FIP1L1: variants seen among roughly 807,000 people sequenced by gnomAD.
The protein encoded by FIP1L1 is factor interacting with PAPOLA and CPSF1, also known as pre-mRNA 3'-end-processing factor FIP1.
FIP1L1 carries 21 observed loss-of-function variants against 84.6 expected under a neutral mutation model. The ratio of observed to expected loss-of-function variants is 0.25; its 90% CI spans 0.18 to 0.36. The LOEUF (loss-of-function observed/expected upper bound fraction) is 0.36, where lower values mean the gene tolerates loss of function less well. Among genes scored for constraint, FIP1L1 ranks in the 10% least tolerant of loss-of-function variants. The pLI is 1.00. For synonymous variants in FIP1L1, 263 were observed against 242.3 expected, an observed-to-expected ratio of 1.09 and a Z score of -0.80; for missense variants, 526 against 751.1, an observed-to-expected ratio of 0.70 and a Z score of 3.50.
At chr4:53,390,965 T>C (rs1159898228) in intron 7 of FIP1L1, 44 bp from the exon 8 acceptor site, 4 of 1,497,804 alleles carry the variant, frequency 2.7e-6, no homozygotes, top group East Asian at 2.3e-5. Context: ...TGCATAAAAA[T>C]AGAGCTGAAA....
intron 9 of FIP1L1, among the ~76,000 whole-genome samples, chr4:53,396,498 C>T (rs1200552047): frequency 7.9e-5 from 12 of 151,838 alleles, no homozygotes; most frequent in East Asian, 2.0e-4. Flanking sequence ...CTCCACCTCC[C>T]GGGTTCAAGC....
intron 13 of FIP1L1, among the ~76,000 whole-genome samples, chr4:53,428,566 G>A (rs988017105): frequency 1.3e-5 from 2 of 151,266 alleles, no homozygotes; most frequent in African/African-American, 4.8e-5. Flanking sequence ...ATTATATCTT[G>A]CGAAGAGATT....
intron 15 of FIP1L1, among the ~76,000 whole-genome samples, chr4:53,449,073 T>C (rs1411186857): frequency 6.6e-6 from 1 of 152,126 alleles, no homozygotes; most frequent in Admixed American, 6.5e-5. Context: ...TGCTCCTTTT[T>C]TTTTCAGATC....
chr4:53,452,939 T>C lies in FIP1L1; in HGVS notation c.1305T>C (p.Pro435=). The change falls in exon 16 of 18, where the codon CCT becomes CCC. Residue 435 remains proline, a synonymous_variant. Transcript: ENST00000337488. ...CTTTAGTTGCCTTTCCCCATCTTCC[T>C]GGTTCTGCTCCTTCGTGGCCTAGTC... ...PYGNVAFPHL[P]GSAPSWPSLV... 1.9e-6 allele frequency: 3 copies of C among 1,612,934 alleles called. No homozygotes were observed. The highest frequency in any genetic ancestry group is 2.5e-6 in the Non-Finnish European group (3 of 1,179,982).
rs149095983 is a variant in FIP1L1, at chr4:53,386,260, A to G, written c.332+2384A>G. Among the ~76,000 whole-genome samples, 126 of 152,288 alleles carry G rather than the reference A, an allele frequency of 8.3e-4. No homozygotes were observed. In the East Asian group the frequency reaches 0.021, roughly 25 times the overall value. On this transcript the variant is annotated intron_variant, in intron 5 of 17. Transcript: ENST00000337488. ...TAGCAAAGATAATGTGCCTTTATCA[A>G]ACCATCTGTGATCATTCCATTATTA... is the stretch of plus-strand genomic sequence containing the variant.
intron 15 of FIP1L1, among the ~76,000 whole-genome samples, chr4:53,452,323 T>C (rs1255945364): frequency 1.3e-5 from 2 of 152,138 alleles, no homozygotes; most frequent in Non-Finnish European, 2.9e-5. Flanking sequence ...TCAACACTTT[T>C]TTTTTTTCTT....
Position 53,457,740 on chromosome 4 carries a change from G to C in FIP1L1, c.1500-913G>C, listed in dbSNP as rs148683593. On this transcript the variant is annotated intron_variant, in intron 16 of 17. Coordinates refer to ENST00000337488, the MANE Select transcript of FIP1L1 (RefSeq NM_030917.4). ...TTATTTTATTCTAAGTGAATTTACT[G>C]ATGTTAAGTTGTAGAAAGTGTTGAC... is the stretch of plus-strand genomic sequence containing the variant. Among the ~76,000 whole-genome samples the C allele has an allele frequency of 1.8e-3, 280 of 152,196 alleles. 1 individual carries two copies. The highest frequency in any genetic ancestry group is 6.5e-3 in the African/African-American group (270 of 41,538).
At chr4:53,404,753 T>C (rs1752301248) in intron 10 of FIP1L1, among the ~76,000 whole-genome samples, 1 of 152,224 alleles carries the variant, frequency 6.6e-6, no homozygotes, top group Non-Finnish European at 1.5e-5. Context: ...TGCATTTCTC[T>C]GATGGCCAGT....
At chr4:53,459,255 T>G (rs541008477) in intron 17 of FIP1L1, 47 bp from the exon 18 acceptor site, 2 of 1,362,958 alleles carry the variant, frequency 1.5e-6, no homozygotes, top group African/African-American at 1.5e-5. Flanking sequence ...TGTCACTGAT[T>G]GTGTATTTAA....
chr4:53,378,991 A>T, intron 1 of FIP1L1, 82 bp from the exon 2 acceptor site: 3 of 1,352,898 alleles, frequency 2.2e-6, no homozygotes, highest in Non-Finnish European at 2.1e-6. Flanking sequence ...TTTTTATAGC[A>T]GTAAAGTCTG....
At chr4:53,418,411 TGTAA>T (rs1222327704) in intron 11 of FIP1L1, among the ~76,000 whole-genome samples, 15 of 152,382 alleles carry the variant, frequency 9.8e-5, no homozygotes, top group South Asian at 2.1e-4. Context: ...AAGCCAAATC[TGTAA>T]GTGTTTTTCA....
intron 3 of FIP1L1, 89 bp from the exon 4 acceptor site, chr4:53,382,188 GC>G (rs1738448231): frequency 1.2e-6 from 1 of 862,030 alleles, no homozygotes; most frequent in African/African-American, 1.7e-5. Context: ...AATTTTAGGA[GC>G]TTTATTAAAG....
In FIP1L1 at chr4:53,389,662, T is replaced by A. The variant is rs1438757007; in HGVS notation, c.333-147T>A. 47 of 640,668 alleles carry A rather than the reference T, an allele frequency of 7.3e-5. 1 individual carries two copies. Among genetic ancestry groups the A allele is most frequent in the South Asian group, 7.0e-4 (37 of 52,538 alleles). The allele number at this position is 640,668 out of a possible 1,614,324, so 39.7% of individuals were successfully genotyped here. A position where few individuals can be genotyped will look rare whatever the true frequency, so the allele number is the denominator to read the frequency against. Reference sequence around the variant, plus strand: ...GTATGAGATCTCATCTATACAAAATTTAAAAAATAAAGATAGAAATAAAAT... The same window carrying A: ...GTATGAGATCTCATCTATACAAAATATAAAAAATAAAGATAGAAATAAAAT... On this transcript the variant is annotated intron_variant, in intron 5 of 17. Transcript: ENST00000337488.
intron 13 of FIP1L1, among the ~76,000 whole-genome samples, chr4:53,433,271 G>C (rs1038589584): frequency 2.6e-5 from 4 of 152,126 alleles, no homozygotes; most frequent in Non-Finnish European, 5.9e-5. Flanking sequence ...TGAAAACTCT[G>C]TGCCCACTAA....
chr4:53,452,538 C>G (rs1418558775), intron 15 of FIP1L1, among the ~76,000 whole-genome samples: 1 of 152,162 alleles, frequency 6.6e-6, no homozygotes, highest in Non-Finnish European at 1.5e-5. Flanking sequence ...AGGCTGGTCT[C>G]AAACTCCTAG....
intron 13 of FIP1L1, among the ~76,000 whole-genome samples, chr4:53,429,674 T>A (rs770628539): frequency 2.0e-5 from 3 of 152,336 alleles, no homozygotes; most frequent in Middle Eastern, 6.8e-3. Flanking sequence ...TTAAAACTTT[T>A]TAAAAATTTT....
intron 13 of FIP1L1, among the ~76,000 whole-genome samples, chr4:53,434,861 A>G (rs1768389232): frequency 6.6e-6 from 1 of 152,212 alleles, no homozygotes; most frequent in South Asian, 2.1e-4. Context: ...CGTTGAGAAC[A>G]CTGCTTTGGC....
chr4:53,384,767 G>A (rs1479433788), intron 5 of FIP1L1, among the ~76,000 whole-genome samples: 1 of 152,218 alleles, frequency 6.6e-6, no homozygotes. Context: ...GTTACGATAG[G>A]AGAATAAGAG....
At chr4:53,421,879 G>C (rs1329692136) in intron 11 of FIP1L1, among the ~76,000 whole-genome samples, 5 of 152,150 alleles carry the variant, frequency 3.3e-5, no homozygotes, top group Non-Finnish European at 7.4e-5. Context: ...GGGACGTCCT[G>C]ATTCTTCTTT....
Sources: gnomAD v4.1 joint callset for allele counts (sites outside exome capture counted in the v4.1 genomes callset) on GRCh38, gnomAD v4.1.1 for gene constraint, MANE v1.5 for transcripts, NCBI Gene and HGNC (gene_info 2026-07-23, HGNC 2026-07-21) for gene names.